The following TMEM243 variants were observed in gnomAD, a reference collection of about 807,000 sequenced individuals.
TMEM243 encodes MDR1 and mitochondrial taxol resistance associated.
A neutral mutation model predicts 15.0 loss-of-function variants in TMEM243; 20 were observed. The ratio of observed to expected loss-of-function variants is 1.33; its 90% CI spans 0.94 to 1.93. The LOEUF is 1.93. TMEM243 is among the 30% of genes most tolerant of loss of function. The pLI, the probability that TMEM243 is intolerant of heterozygous loss-of-function variation, is 0.00. For missense variants in TMEM243, 156 were observed against 142.1 expected (o/e 1.10, Z -0.50); for synonymous variants, 72 against 52.7 (o/e 1.37, Z -1.59).
chr7:87,202,586 T>C (rs1317845703), intron 1 of TMEM243, among the ~76,000 whole-genome samples: 1 of 152,162 alleles, frequency 6.6e-6, no homozygotes, highest in Non-Finnish European at 1.5e-5. Context: ...TATTTACCAA[T>C]GGGTAACTAG....
chr7:87,211,278 C>T (rs1423534794), intron 1 of TMEM243, among the ~76,000 whole-genome samples: 1 of 152,212 alleles, frequency 6.6e-6, no homozygotes, highest in East Asian at 1.9e-4. Flanking sequence ...ATTTTATACT[C>T]ATCCCTTACC....
chr7:87,216,319 G>A (rs1342338825), intron 1 of TMEM243, among the ~76,000 whole-genome samples: 2 of 149,886 alleles, frequency 1.3e-5, no homozygotes, highest in Admixed American at 1.3e-4. Context: ...GGTAGAAGGC[G>A]CCTATAGTCC....
In TMEM243 at chr7:87,196,167, T is replaced by C. The variant is rs1173080205; in HGVS notation, c.*469A>G. ...AAGTCAAGAAAAAAAAACCCTTGTA[T>C]AAATTATTTTATTTATTATTGTAAT... On this transcript the variant is annotated 3_prime_UTR_variant, in exon 4 of 4. Coordinates refer to ENST00000257637, the MANE Select transcript of TMEM243 (RefSeq NM_024315.4). The C allele has an allele frequency of 6.5e-6, 1 of 153,568 alleles. No homozygotes were observed. Among genetic ancestry groups the C allele is most frequent in the African/African-American group, 2.4e-5 (1 of 41,460 alleles). 9.5% of individuals were successfully genotyped at this position (153,568 alleles called of 1,614,324 possible). A position where few individuals can be genotyped will look rare whatever the true frequency, so the allele number is the denominator to read the frequency against.
At chr7:87,215,585 T>A (rs942219619) in intron 1 of TMEM243, among the ~76,000 whole-genome samples, 3 of 152,180 alleles carry the variant, frequency 2.0e-5, no homozygotes, top group African/African-American at 7.2e-5. Flanking sequence ...CAGCACTCTT[T>A]TAGAAAATGC....
chr7:87,196,849 C>T (rs1801315185), intron 3 of TMEM243, 91 bp from the exon 4 acceptor site: 2 of 856,826 alleles, frequency 2.3e-6, no homozygotes, highest in Non-Finnish European at 3.5e-6. Flanking sequence ...GTTTATTCCC[C>T]TAAATGAGAC....
intron 1 of TMEM243, chr7:87,203,145 C>T (rs1222725692): frequency 6.6e-6 from 1 of 152,208 alleles, no homozygotes; most frequent in Non-Finnish European, 1.5e-5. Context: ...TTACAAGCGA[C>T]ATTGTATTCA....
upstream of TMEM243, chr7:87,219,757 A>C (rs982927181): frequency 7.7e-6 from 4 of 517,904 alleles, no homozygotes; most frequent in African/African-American, 5.9e-5. Context: ...ACTGCGTGGC[A>C]GACTCTCAGC....
At chr7:87,202,293 TGAAAA>T (rs940815710) in intron 1 of TMEM243, among the ~76,000 whole-genome samples, 17 of 151,892 alleles carry the variant, frequency 1.1e-4, no homozygotes, top group African/African-American at 3.6e-4. Context: ...GACTAGCAGA[TGAAAA>T]GGAAAGGAAA....
Position 87,196,212 on chromosome 7 carries a change from CT to C in TMEM243, c.*423del, listed in dbSNP as rs1460955163. 2 of 155,400 alleles carry C rather than the reference CT, an allele frequency of 1.3e-5. No individual in the cohort carries two copies. The highest frequency in any genetic ancestry group is 4.8e-5 in the African/African-American group (2 of 41,444). The allele number at this position is 155,400 out of a possible 1,614,324, so 9.6% of individuals were successfully genotyped here. A position where few individuals can be genotyped will look rare whatever the true frequency, so the allele number is the denominator to read the frequency against. On this transcript the variant is annotated 3_prime_UTR_variant, in exon 4 of 4. Coordinates refer to ENST00000257637, the MANE Select transcript of TMEM243 (RefSeq NM_024315.4). ...TGTAATTAGATCTTCACAAAGTTGT[CT>C]TTTCACTGTGTTTTGTCAACGTGAA...
At chr7:87,207,240 C>T (rs1381534715) in intron 1 of TMEM243, among the ~76,000 whole-genome samples, 3 of 152,292 alleles carry the variant, frequency 2.0e-5, no homozygotes, top group East Asian at 1.9e-4. Flanking sequence ...ATCAATCCTT[C>T]GGCAATGCTC....
At position 87,197,936 on chromosome 7, in the gene TMEM243, C is replaced by CT. The variant is rs766583252; in HGVS notation, c.234+4dup. The stretch of plus-strand genomic sequence containing the variant: ...AACACTGTTTAAATTCTCAACAGTA[C>CT]TTACAAGTATGCAGGCAGTAATACT... On this transcript the variant is annotated splice_donor_region_variant and intron_variant, in intron 3 of 3. Transcript: ENST00000257637. 12 of 1,612,950 alleles carry CT rather than the reference C, an allele frequency of 7.4e-6. No homozygotes were observed. In the South Asian group the frequency reaches 1.2e-4, roughly 16 times the overall value.
chr7:87,209,671 C>CGAGACAGTGA (rs1562884989), intron 1 of TMEM243, among the ~76,000 whole-genome samples: 2 of 24,480 alleles, frequency 8.2e-5, no homozygotes, highest in African/African-American at 3.9e-4. Flanking sequence ...CGAGAGAGAG[C>CGAGACAGTGA]GAGAGCGAGA....
chr7:87,197,367 A>AGCCAACTAATGAATGAACACT (rs1801380911), intron 3 of TMEM243, among the ~76,000 whole-genome samples: 1 of 152,124 alleles, frequency 6.6e-6, no homozygotes, highest in Admixed American at 6.6e-5. Context: ...GAAACAATGT[A>AGCCAACTAATGAATGAACACT]GCCAACTAAT....
chr7:87,203,483 CAT>C (rs1171781824), intron 1 of TMEM243, among the ~76,000 whole-genome samples: 2 of 151,902 alleles, frequency 1.3e-5, no homozygotes, highest in African/African-American at 2.4e-5. Flanking sequence ...GGTTTGATGA[CAT>C]GTGCCTGTAG....
At chr7:87,211,139 C>CTAA (rs1351251544) in intron 1 of TMEM243, among the ~76,000 whole-genome samples, 1 of 152,196 alleles carries the variant, frequency 6.6e-6, no homozygotes, top group Non-Finnish European at 1.5e-5. Context: ...ATTGTCTTAC[C>CTAA]TATTAACATT....
chr7:87,217,498 C>T (rs1188600273), intron 1 of TMEM243, among the ~76,000 whole-genome samples: 2 of 152,160 alleles, frequency 1.3e-5, no homozygotes, highest in African/African-American at 4.8e-5. Flanking sequence ...CATATGGAGG[C>T]CTCTCCTCTC....
intron 1 of TMEM243, among the ~76,000 whole-genome samples, chr7:87,212,911 T>A (rs1315315301): frequency 6.6e-6 from 1 of 152,118 alleles, no homozygotes; most frequent in Non-Finnish European, 1.5e-5. Flanking sequence ...CCTACACAAG[T>A]CCCTCACAGC....
chr7:87,203,453 A>C (rs1360626914), intron 1 of TMEM243, among the ~76,000 whole-genome samples: 1 of 152,010 alleles, frequency 6.6e-6, no homozygotes, highest in Non-Finnish European at 1.5e-5. Flanking sequence ...TATCTACAAA[A>C]AAAATATAAA....
intron 1 of TMEM243, among the ~76,000 whole-genome samples, chr7:87,214,442 C>A (rs7811309): frequency 6.6e-6 from 1 of 152,044 alleles, no homozygotes; most frequent in Non-Finnish European, 1.5e-5. Flanking sequence ...CAGAGGAAGG[C>A]GATTCATTGA....
Sources: allele counts gnomAD v4.1 joint callset (sites outside exome capture counted in the v4.1 genomes callset), GRCh38; gene constraint gnomAD v4.1.1; transcripts MANE v1.5; gene names NCBI Gene and HGNC (gene_info 2026-07-23, HGNC 2026-07-21).